AAMDC: variants seen among roughly 807,000 people sequenced by gnomAD.
The protein encoded by AAMDC is mth938 domain-containing protein.
AAMDC carries 16 observed loss-of-function variants against 15.5 expected under a neutral mutation model. The ratio of observed to expected loss-of-function variants is 1.03; its 90% confidence interval spans 0.70 to 1.57. The LOEUF is 1.57. Among genes scored for constraint, AAMDC ranks in the 40% most tolerant of loss-of-function variants. AAMDC has a pLI of 0.00. For missense variants in AAMDC, 141 were observed against 144.9 expected (o/e 0.97, Z 0.14); for synonymous variants, 51 against 51.6 (o/e 0.99, Z 0.05).
chr11:77,878,660 A>G (rs909771671), intron 5 of AAMDC: 5 of 650,150 alleles, frequency 7.7e-6, no homozygotes, highest in African/African-American at 1.8e-5. Context: ...GTAAGCACGT[A>G]GTATAAAAGC....
chr11:77,898,243 A>C (rs1390671374), intron 5 of AAMDC, among the ~76,000 whole-genome samples: 1 of 152,154 alleles, frequency 6.6e-6, no homozygotes, highest in East Asian at 1.9e-4. Context: ...GGCTCACTGC[A>C]ACCTCTGCCT....
At chr11:77,827,028 C>T (rs1414726478) in intron 1 of AAMDC, among the ~76,000 whole-genome samples, 2 of 152,086 alleles carry the variant, frequency 1.3e-5, no homozygotes, top group Non-Finnish European at 2.9e-5. Flanking sequence ...TCACTTGAAC[C>T]CAGGAGGCAG....
chr11:77,858,369 C>CA (rs1950727631), intron 2 of AAMDC, among the ~76,000 whole-genome samples: 1 of 132,896 alleles, frequency 7.5e-6, no homozygotes. Flanking sequence ...AGCTCCCATA[C>CA]AAAGGGAGGA....
intron 2 of AAMDC, among the ~76,000 whole-genome samples, chr11:77,849,038 C>CTT (rs200734294): frequency 2.1e-5 from 3 of 140,152 alleles, no homozygotes; most frequent in African/African-American, 5.2e-5. Context: ...AGTGGTGCTC[C>CTT]TTTTTTTTTT....
At chr11:77,903,653 C>T (rs374040575), downstream of AAMDC, 25 of 1,564,706 alleles carry the variant, frequency 1.6e-5, no homozygotes, top group African/African-American at 2.3e-4. Context: ...AACAGAATAC[C>T]GAGGTCACAA....
In AAMDC at chr11:77,872,352, A is replaced by G. The variant is rs756808773; in HGVS notation, c.*37A>G. The G allele has an allele frequency of 6.3e-7, 1 of 1,581,412 alleles. No individual in the cohort carries two copies. The highest frequency in any genetic ancestry group is 1.2e-5 in the South Asian group (1 of 85,534). ...GAGGAGAATAAATCACTAAGTGCCT[A>G]TGCCTGTGACTGTCACTCACCATTC... On this transcript the variant is annotated 3_prime_UTR_variant, in exon 4 of 4. Transcript: ENST00000393427.
At chr11:77,905,590 A>G (rs982263818), downstream of AAMDC, among the ~76,000 whole-genome samples, 2 of 152,210 alleles carry the variant, frequency 1.3e-5, no homozygotes, top group Non-Finnish European at 2.9e-5. Flanking sequence ...GTGTACACAA[A>G]ATGTTGAAAC....
In AAMDC at chr11:77,848,509, C is replaced by G. The variant is rs1950237323; in HGVS notation, c.132+5881C>G. Among the ~76,000 whole-genome samples the G allele has an allele frequency of 4.6e-5, 7 of 152,192 alleles. No individual in the cohort carries two copies. In the South Asian group the frequency reaches 1.5e-3, roughly 32 times the overall value. Reference sequence around the variant, plus strand: ...AGTAGCTGGGATTACAGGCACCCACCACCTCACTTGGCTAATTTTTTTGTA... The same window carrying G: ...AGTAGCTGGGATTACAGGCACCCACGACCTCACTTGGCTAATTTTTTTGTA... On this transcript the variant is annotated intron_variant, in intron 2 of 3. Transcript: ENST00000393427.
chr11:77,837,059 G>C (rs1166116994), intron 1 of AAMDC, among the ~76,000 whole-genome samples: 1 of 152,206 alleles, frequency 6.6e-6, no homozygotes, highest in Non-Finnish European at 1.5e-5. Flanking sequence ...TTATGAATTT[G>C]TATCTTCCTT....
chr11:77,838,187 A>G (rs1035695888), intron 1 of AAMDC, among the ~76,000 whole-genome samples: 6 of 149,230 alleles, frequency 4.0e-5, no homozygotes, highest in African/African-American at 7.3e-5. Flanking sequence ...TTAAGGAGAC[A>G]CATATAGGTG....
chr11:77,842,006 G>C (rs1393417358), intron 1 of AAMDC, among the ~76,000 whole-genome samples: 1 of 152,094 alleles, frequency 6.6e-6, no homozygotes, highest in Non-Finnish European at 1.5e-5. Context: ...AATGGGGGTT[G>C]TTCCAGGCAA....
intron 5 of AAMDC, among the ~76,000 whole-genome samples, chr11:77,888,173 A>G (rs1268713726): frequency 2.6e-5 from 4 of 152,246 alleles, no homozygotes; most frequent in African/African-American, 7.2e-5. Flanking sequence ...ACTTCAAACT[A>G]TACTACAAGC....
chr11:77,832,799 C>T (rs1172485532), intron 1 of AAMDC, among the ~76,000 whole-genome samples: 1 of 151,482 alleles, frequency 6.6e-6, no homozygotes, highest in Non-Finnish European at 1.5e-5. Context: ...AAGAAGAATT[C>T]AGTCCATTTG....
At chr11:77,828,848 C>T (rs1204423738) in intron 1 of AAMDC, among the ~76,000 whole-genome samples, 1 of 152,184 alleles carries the variant, frequency 6.6e-6, no homozygotes. Flanking sequence ...TTCCAGCTGG[C>T]TTCTTTGCAG....
At chr11:77,899,930 G>A (rs1952703283) in intron 5 of AAMDC, among the ~76,000 whole-genome samples, 1 of 151,960 alleles carries the variant, frequency 6.6e-6, no homozygotes, top group African/African-American at 2.4e-5. Context: ...TAGATTACCA[G>A]AGAACCTTCA....
chr11:77,873,210 T>C (rs1951503646), downstream of AAMDC, among the ~76,000 whole-genome samples: 1 of 152,248 alleles, frequency 6.6e-6, no homozygotes, highest in Non-Finnish European at 1.5e-5. Flanking sequence ...GGTATTTGTC[T>C]AATTTCTTAG....
chr11:77,897,988 T>A (rs1308913262), intron 5 of AAMDC, among the ~76,000 whole-genome samples: 2 of 152,064 alleles, frequency 1.3e-5, no homozygotes, highest in Non-Finnish European at 2.9e-5. Context: ...TTTTGATTTT[T>A]ATTTTTTAGA....
intron 1 of AAMDC, among the ~76,000 whole-genome samples, chr11:77,827,563 T>C (rs891477741): frequency 4.6e-5 from 7 of 152,202 alleles, no homozygotes; most frequent in Non-Finnish European, 8.8e-5. Flanking sequence ...GAAAACTCAT[T>C]TGACAAAATT....
intron 1 of AAMDC, among the ~76,000 whole-genome samples, chr11:77,834,632 C>A (rs1949601504): frequency 6.6e-6 from 1 of 152,026 alleles, no homozygotes; most frequent in Non-Finnish European, 1.5e-5. Context: ...TCAGGCTGAT[C>A]TCGAACTCCT....
Sources: allele counts gnomAD v4.1 joint callset (sites outside exome capture counted in the v4.1 genomes callset), GRCh38; gene constraint gnomAD v4.1.1; transcripts MANE v1.5; gene names NCBI Gene and HGNC (gene_info 2026-07-23, HGNC 2026-07-21).